Variants in GARRE1 observed in about 807,000 individuals in gnomAD.
GARRE1 encodes granule associated Rac and RHOG effector 1.
A neutral mutation model predicts 103.2 loss-of-function variants in GARRE1; 49 were observed. That is an observed-to-expected ratio of 0.47 (90% CI 0.38 to 0.60). The LOEUF (loss-of-function observed/expected upper bound fraction) is 0.60. Ranked by LOEUF, GARRE1 falls within the 20% of genes least tolerant of loss-of-function variation. The pLI is 0.00. For missense variants in GARRE1, 1,199 were observed against 1,370.5 expected, an observed-to-expected ratio of 0.87 and a Z score of 1.98; for synonymous variants, 505 against 532.8, an observed-to-expected ratio of 0.95 and a Z score of 0.72.
chr19:34,284,346 A>G (rs2073874063), intron 1 of GARRE1, among the ~76,000 whole-genome samples: 2 of 151,250 alleles, frequency 1.3e-5, no homozygotes, highest in Non-Finnish European at 2.9e-5. Flanking sequence ...ACTGGTCTCA[A>G]ACTCCTGGCC....
rs2074119101 is a variant in GARRE1, at chr19:34,327,863, G to A, written c.939G>A (p.Leu313=). ...HLNPKAIEAS[L]QGCCSEAEAQ... ...ATCCAAAGGCGATTGAAGCAAGTTTGCAGGTACACTTTTCCTTCCTAAAGC... is the reference window on the plus strand; with the variant it reads ...ATCCAAAGGCGATTGAAGCAAGTTTACAGGTACACTTTTCCTTCCTAAAGC... The change falls in exon 5 of 14, where the codon TTG becomes TTA. Residue 313 remains leucine (L), a synonymous_variant. Coordinates refer to ENST00000299505, the MANE Select transcript of GARRE1 (RefSeq NM_014686.5). 1 of 1,614,074 alleles carries A rather than the reference G, an allele frequency of 6.2e-7. No homozygotes were observed. The highest frequency in any genetic ancestry group is 1.3e-5 in the African/African-American group (1 of 74,944).
At chr19:34,310,500 A>G (rs2074031318) in intron 2 of GARRE1, among the ~76,000 whole-genome samples, 1 of 152,212 alleles carries the variant, frequency 6.6e-6, no homozygotes, top group Non-Finnish European at 1.5e-5. Context: ...GAGCCAGGAA[A>G]TCAGAAATAG....
intron 10 of GARRE1, among the ~76,000 whole-genome samples, chr19:34,347,634 A>G (rs328407): frequency 0.52 from 78,931 of 152,096 alleles, 23,967 homozygotes; most frequent in African/African-American, 0.83. Flanking sequence ...GCCTGCCTCT[A>G]TCCTAGGCAT....
chr19:34,307,526 TTATATATATATATGCCAG>T (rs2074012552), intron 2 of GARRE1, among the ~76,000 whole-genome samples: 10 of 148,850 alleles, frequency 6.7e-5, no homozygotes, highest in African/African-American at 2.5e-4. Context: ...TATATACGTA[TTATATATATATATGCCAG>T]ACATATATAT....
In GARRE1 at chr19:34,347,916, T is replaced by C; in HGVS notation, c.2561T>C (p.Val854Ala). ...DPEFARYVAG[V>A]SQAMQQKRQA... ...GAGTTTGCACGCTATGTGGCAGGAG[T>C]GAGCCAGGCGATGCAGCAGAAGCGG... is the stretch of plus-strand genomic sequence containing the variant. The change falls in exon 11 of 14, where the codon GTG (valine) becomes GCG (alanine). Residue 854 changes from valine (V) to alanine (A), a missense_variant. Val to Ala is a moderately conservative substitution (Grantham distance 64). Coordinates refer to ENST00000299505, the MANE Select transcript of GARRE1 (RefSeq NM_014686.5). The C allele has an allele frequency of 6.3e-7, 1 of 1,590,874 alleles. No homozygotes were observed. The highest frequency in any genetic ancestry group is 1.1e-5 in the South Asian group (1 of 87,950).
chr19:34,341,846 A>G lies in GARRE1; in HGVS notation c.1912A>G (p.Met638Val), dbSNP rs1232977961. ...AGATGACGGCAAGGATGAGAAGGGTATGAACTTACCAACTGATCAGGAAAT... is the reference window on the plus strand; with the variant it reads ...AGATGACGGCAAGGATGAGAAGGGTGTGAACTTACCAACTGATCAGGAAAT... ...HGDDGKDEKGMNLPTDQEMQE... is the reference protein window; with the variant it reads ...HGDDGKDEKGVNLPTDQEMQE... The change falls in exon 10 of 14, where the codon ATG becomes GTG. Residue 638 changes from methionine (M) to valine (V), a missense_variant. Met to Val is a conservative substitution (Grantham distance 21). Coordinates refer to ENST00000299505, the MANE Select transcript of GARRE1 (RefSeq NM_014686.5). The G allele has an allele frequency of 5.0e-6, 8 of 1,614,076 alleles. No individual in the cohort carries two copies. Among genetic ancestry groups the G allele is most frequent in the Admixed American group, 3.3e-5 (2 of 60,000 alleles).
Position 34,341,654 on chromosome 19 carries a change from TC to T in GARRE1, c.1722del (p.Glu575LysfsTer18). On this transcript the variant is annotated frameshift_variant, in exon 10 of 14. Transcript: ENST00000299505. LOFTEE classifies it high-confidence loss of function. ...CAAAAACATCTTCATAGCTGGATGTTCCGAAGAGAAGGCCAAAATGCCTGGC... is the reference window on the plus strand; with the variant it reads ...CAAAAACATCTTCATAGCTGGATGTTCGAAGAGAAGGCCAAAATGCCTGGC... ...PSKNIFIAGC[S>X]EEKAKMPGNI... 6.2e-7 allele frequency: 1 copy of T among 1,614,192 alleles called. No homozygotes were observed. Among genetic ancestry groups the T allele is most frequent in the Non-Finnish European group, 8.5e-7 (1 of 1,180,044 alleles).
chr19:34,341,841 A>G lies in GARRE1; in HGVS notation c.1907A>G (p.Lys636Arg). 1 of 1,614,196 alleles carries G rather than the reference A, an allele frequency of 6.2e-7. No homozygotes were observed. Among genetic ancestry groups the G allele is most frequent in the Non-Finnish European group, 8.5e-7 (1 of 1,180,030 alleles). ...FLHGDDGKDEKGMNLPTDQEM... is the reference protein window; with the variant it reads ...FLHGDDGKDERGMNLPTDQEM... ...CATGGAGATGACGGCAAGGATGAGA[A>G]GGGTATGAACTTACCAACTGATCAG... Residue 636 changes from lysine (K) to arginine (R), a missense_variant, in exon 10 of 14, where the codon AAG becomes AGG. Transcript: ENST00000299505.
At chr19:34,304,327 AATGCTGGG>A (rs1452392313) in intron 2 of GARRE1, among the ~76,000 whole-genome samples, 4 of 118,492 alleles carry the variant, frequency 3.4e-5, no homozygotes, top group Non-Finnish European at 5.0e-5. Flanking sequence ...ATGGCCTCAA[AATGCTGGG>A]ATCACAGGCG....
In GARRE1 at chr19:34,276,688, C is replaced by T. The variant is rs117428370; in HGVS notation, c.-796+22074C>T. On this transcript the variant is annotated intron_variant, in intron 1 of 13. Transcript: ENST00000299505. ...TCATCTGTCTTAAGGTCACAGATAC[C>T]GCAGCCACTGCCAGGTTTCCACAAG... 9.3e-3 allele frequency among the ~76,000 whole-genome samples: 1,421 copies of T among 152,278 alleles called. 10 individuals are homozygous for T. Among genetic ancestry groups the T allele is most frequent in the Non-Finnish European group, 0.015 (987 of 68,036 alleles).
intron 8 of GARRE1, among the ~76,000 whole-genome samples, chr19:34,339,405 A>G (rs183140374): frequency 1.3e-5 from 2 of 152,374 alleles, no homozygotes; most frequent in South Asian, 2.1e-4. Flanking sequence ...AGAGGTGCAT[A>G]GCGTGAAGTG....
intron 1 of GARRE1, among the ~76,000 whole-genome samples, chr19:34,259,870 G>T (rs1356169272): frequency 6.6e-6 from 1 of 152,172 alleles, no homozygotes; most frequent in Non-Finnish European, 1.5e-5. Context: ...GTGATAGTGA[G>T]CAACTTCTCA....
intron 10 of GARRE1, among the ~76,000 whole-genome samples, chr19:34,346,982 G>A (rs2074214301): frequency 6.6e-6 from 1 of 151,198 alleles, no homozygotes; most frequent in Non-Finnish European, 1.5e-5. Context: ...GGAGTGCAGT[G>A]GCGCAATCTT....
chr19:34,264,907 G>A (rs1030635389), intron 1 of GARRE1, among the ~76,000 whole-genome samples: 1 of 152,138 alleles, frequency 6.6e-6, no homozygotes, highest in Non-Finnish European at 1.5e-5. Context: ...TGTTCTTGAC[G>A]CAGGCCTCTA....
At chr19:34,257,507 A>ACT (rs60349772) in intron 1 of GARRE1, among the ~76,000 whole-genome samples, 6 of 151,406 alleles carry the variant, frequency 4.0e-5, no homozygotes, top group Non-Finnish European at 7.4e-5. Flanking sequence ...CTGGCTAATC[A>ACT]CTCTTTTTTC....
At chr19:34,287,168 C>T (rs943634528) in intron 1 of GARRE1, among the ~76,000 whole-genome samples, 2 of 150,650 alleles carry the variant, frequency 1.3e-5, no homozygotes, top group Non-Finnish European at 3.0e-5. Context: ...GTATTCTCTG[C>T]TTCTCTCCCA....
At chr19:34,312,311 T>G (rs777147349) in intron 2 of GARRE1, among the ~76,000 whole-genome samples, 20 of 152,272 alleles carry the variant, frequency 1.3e-4, no homozygotes, top group Admixed American at 5.2e-4. Context: ...TAACATAAAT[T>G]TTGCCATTTT....
chr19:34,278,425 A>G lies in GARRE1; in HGVS notation c.-795-21254A>G, dbSNP rs961778215. Among the ~76,000 whole-genome samples, 5 of 138,952 alleles carry G rather than the reference A, an allele frequency of 3.6e-5. No homozygotes were observed. The Admixed American group carries it at 3.9e-4, about 11-fold the overall frequency. 91.2% of individuals were successfully genotyped at this position (138,952 alleles called of 152,430 possible). ...TGCCACTAGTACTCCAGCCTGGGTG[A>G]CAGAGCAAGACTCCATCTCAAAAAA... On this transcript the variant is annotated intron_variant, in intron 1 of 13. Coordinates refer to ENST00000299505, the MANE Select transcript of GARRE1 (RefSeq NM_014686.5).
chr19:34,302,155 T>A (rs1388932334), intron 2 of GARRE1, among the ~76,000 whole-genome samples: 2 of 151,224 alleles, frequency 1.3e-5, no homozygotes, highest in Non-Finnish European at 2.9e-5. Flanking sequence ...CATGCCCGGC[T>A]AATTTTGTAT....
Sources: gnomAD v4.1 joint callset for allele counts (sites outside exome capture counted in the v4.1 genomes callset) on GRCh38, gnomAD v4.1.1 for gene constraint, MANE v1.5 for transcripts, NCBI Gene and HGNC (gene_info 2026-07-23, HGNC 2026-07-21) for gene names.